Variants in RGS20 observed in about 807,000 individuals in gnomAD.
RGS20 encodes the protein gz-selective GTPase-activating protein.
A neutral mutation model predicts 33.6 loss-of-function variants in RGS20; 30 were observed. The observed-to-expected ratio is 0.89, with a 90% CI of 0.67 to 1.21. The LOEUF (loss-of-function observed/expected upper bound fraction) is 1.21, where lower values mean the gene tolerates loss of function less well. Ranked by LOEUF, RGS20 falls within the 50% of genes most tolerant of loss-of-function variation. RGS20 has a pLI of 0.00. For missense variants in RGS20, 472 were observed against 502.4 expected (o/e 0.94, Z 0.58); for synonymous variants, 208 against 197.9 (o/e 1.05, Z -0.43).
At chr8:53,947,227 CAT>C (rs756601105) in intron 4 of RGS20, among the ~76,000 whole-genome samples, 16 of 143,296 alleles carry the variant, frequency 1.1e-4, no homozygotes, top group Admixed American at 7.2e-4. Context: ...TTTATTTATA[CAT>C]GCTATATAAG....
chr8:53,868,456 G>T (rs914187648), intron 1 of RGS20, among the ~76,000 whole-genome samples: 2 of 152,088 alleles, frequency 1.3e-5, no homozygotes, highest in African/African-American at 4.8e-5. Flanking sequence ...GAAATCATCC[G>T]GCCTCACTGG....
In RGS20 at chr8:53,915,614, C is replaced by T. The variant is rs979127266; in HGVS notation, c.511-23962C>T. Among the ~76,000 whole-genome samples the T allele has an allele frequency of 2.6e-4, 39 of 152,158 alleles. 1 individual carries two copies. Among genetic ancestry groups the T allele is most frequent in the Admixed American group, 2.6e-3 (39 of 15,284 alleles). On this transcript the variant is annotated intron_variant, in intron 2 of 5. Coordinates refer to ENST00000297313, the MANE Select transcript of RGS20 (RefSeq NM_170587.4). The stretch of plus-strand genomic sequence containing the variant: ...TGGGTCGCTTCCCTTTTTCCTAGAC[C>T]TGGCTGTTCCAACCAGGCCCTCCCA...
chr8:53,949,990 C>A (rs1814663004), intron 4 of RGS20, among the ~76,000 whole-genome samples: 1 of 151,886 alleles, frequency 6.6e-6, no homozygotes, highest in African/African-American at 2.4e-5. Context: ...CAGGCGCCCA[C>A]CACCATGCCC....
chr8:53,858,603 G>A (rs1166151286), intron 1 of RGS20, among the ~76,000 whole-genome samples: 1 of 151,906 alleles, frequency 6.6e-6, no homozygotes, highest in Non-Finnish European at 1.5e-5. Flanking sequence ...CTTGAAAAAA[G>A]TCAATGTAAT....
intron 1 of RGS20, chr8:53,876,640 AG>A (rs1241410184): frequency 6.6e-6 from 1 of 152,252 alleles, no homozygotes; most frequent in Non-Finnish European, 1.5e-5. Flanking sequence ...TGTCCTTGCC[AG>A]AAGTTCGGAA....
At chr8:53,937,332 A>T (rs902489043) in intron 2 of RGS20, among the ~76,000 whole-genome samples, 4 of 151,634 alleles carry the variant, frequency 2.6e-5, no homozygotes, top group Non-Finnish European at 5.9e-5. Flanking sequence ...TAAAATAAAA[A>T]AAGAAAACTG....
chr8:53,861,038 C>T (rs1664796110), intron 1 of RGS20, among the ~76,000 whole-genome samples: 1 of 152,030 alleles, frequency 6.6e-6, no homozygotes, highest in Non-Finnish European at 1.5e-5. Flanking sequence ...GGTTGTCCAG[C>T]ACATATTTTG....
At chr8:53,885,635 G>A (rs1314907387) in intron 2 of RGS20, among the ~76,000 whole-genome samples, 1 of 151,856 alleles carries the variant, frequency 6.6e-6, no homozygotes, top group Non-Finnish European at 1.5e-5. Context: ...TGAATTATAC[G>A]GCAGAGACTT....
chr8:53,909,210 T>TAC (rs59353037), intron 2 of RGS20, among the ~76,000 whole-genome samples: 1 of 6,546 alleles, frequency 1.5e-4, no homozygotes, highest in Non-Finnish European at 3.5e-4. Flanking sequence ...GGTATGTGTG[T>TAC]ATATATATAT....
rs138193521 is a variant in RGS20 at position 53,883,770 on chromosome 8, C to A, written c.510+4168C>A. ...GGCCAGCCTGGCCAACATGGTGAAA[C>A]CCCATCTCTACTAAAAATACAAAAA... On this transcript the variant is annotated intron_variant, in intron 2 of 5. Transcript: ENST00000297313. Among the ~76,000 whole-genome samples, 71 of 152,032 alleles carry A rather than the reference C, an allele frequency of 4.7e-4. No individual in the cohort carries two copies. In the East Asian group the frequency reaches 0.013, roughly 29 times the overall value.
In RGS20 at chr8:53,954,035, A is replaced by G. The variant is rs752926594; in HGVS notation, c.744-41A>G. On this transcript the variant is annotated intron_variant, in intron 4 of 5. Transcript: ENST00000297313. Reference sequence around the variant, plus strand: ...TGATGAATTCCAATTAACTACCACTAACAGTTCCCTTTTGCCCCCTCTCTT... The same window carrying G: ...TGATGAATTCCAATTAACTACCACTGACAGTTCCCTTTTGCCCCCTCTCTT... The G allele has an allele frequency of 6.8e-6, 9 of 1,331,666 alleles. No individual in the cohort carries two copies. In the South Asian group the frequency reaches 1.1e-4, roughly 16 times the overall value. The allele number at this position is 1,331,666 out of a possible 1,614,324, so 82.5% of individuals were successfully genotyped here. A position where few individuals can be genotyped will look rare whatever the true frequency, so the allele number is the denominator to read the frequency against.
chr8:53,947,140 A>G (rs1452610968), intron 4 of RGS20, among the ~76,000 whole-genome samples: 2 of 146,772 alleles, frequency 1.4e-5, no homozygotes, highest in Non-Finnish European at 1.5e-5. Flanking sequence ...TATGCTATAT[A>G]TATGATATAG....
At chr8:53,897,206 G>A (rs1390830980) in intron 2 of RGS20, among the ~76,000 whole-genome samples, 14 of 152,172 alleles carry the variant, frequency 9.2e-5, no homozygotes, top group Admixed American at 9.2e-4. Flanking sequence ...GTAATTGATG[G>A]AGAGGAACTT....
intron 2 of RGS20, chr8:53,914,752 GAAC>G (rs1351437072): frequency 6.6e-6 from 1 of 151,894 alleles, no homozygotes; most frequent in Non-Finnish European, 1.5e-5. Context: ...ACTAAAATTG[GAAC>G]AATACAGAGA....
intron 2 of RGS20, among the ~76,000 whole-genome samples, chr8:53,929,834 A>G (rs1270596677): frequency 6.6e-6 from 1 of 152,188 alleles, no homozygotes; most frequent in African/African-American, 2.4e-5. Flanking sequence ...CAAATCAAAT[A>G]TGTTAGCTTA....
intron 3 of RGS20, among the ~76,000 whole-genome samples, chr8:53,940,612 T>C (rs1327557054): frequency 6.6e-6 from 1 of 152,130 alleles, no homozygotes; most frequent in Non-Finnish European, 1.5e-5. Context: ...CCGGGGAAGT[T>C]TGGTGGCTCC....
At chr8:53,911,521 G>A (rs1355200037) in intron 2 of RGS20, among the ~76,000 whole-genome samples, 4 of 150,846 alleles carry the variant, frequency 2.7e-5, no homozygotes. Context: ...AAAATCTTAG[G>A]TAAGATAGAT....
At position 53,930,069 on chromosome 8, in the gene RGS20, T is replaced by A. The variant is rs12545995; in HGVS notation, c.511-9507T>A. On this transcript the variant is annotated intron_variant, in intron 2 of 5. Transcript: ENST00000297313. Reference sequence around the variant, plus strand: ...CTAGTACTATTGCTACTTCTCAATATTTACTCAACTTCCTGGCCAATGAAA... The same window carrying A: ...CTAGTACTATTGCTACTTCTCAATAATTACTCAACTTCCTGGCCAATGAAA... Among the ~76,000 whole-genome samples the A allele has an allele frequency of 6.6e-3, 1,001 of 152,254 alleles. 45 individuals carry two copies. The highest frequency in any genetic ancestry group is 0.058 in the Admixed American group (891 of 15,270).
Position 53,853,405 on chromosome 8 carries a change from G to A in RGS20, c.165+1341G>A, listed in dbSNP as rs1364204706. On this transcript the variant is annotated intron_variant, in intron 1 of 5. Coordinates refer to ENST00000297313, the MANE Select transcript of RGS20 (RefSeq NM_170587.4). ...CACCTTCCCATGGCATCCTGGAATC[G>A]ACCACACATGCTGGTGCTGGGCAGC... Among the ~76,000 whole-genome samples the A allele has an allele frequency of 3.9e-5, 6 of 152,226 alleles. No individual in the cohort carries two copies. In the South Asian group the frequency reaches 8.3e-4, roughly 21 times the overall value.
Sources: gnomAD v4.1 joint callset for allele counts (sites outside exome capture counted in the v4.1 genomes callset) on GRCh38, gnomAD v4.1.1 for gene constraint, MANE v1.5 for transcripts, NCBI Gene and HGNC (gene_info 2026-07-23, HGNC 2026-07-21) for gene names.